Variants in CNOT6L observed in about 807,000 individuals in gnomAD.
CNOT6L encodes CCR4-NOT transcription complex subunit 6-like.
In CNOT6L, 7 loss-of-function variants were observed where a neutral mutation model predicts 64.0. That is an observed-to-expected ratio of 0.11 (90% CI 0.06 to 0.21). The LOEUF is 0.21. CNOT6L is among the 10% of genes least tolerant of loss of function. CNOT6L has a pLI of 1.00. For missense variants in CNOT6L, 245 were observed against 669.0 expected (o/e 0.37, Z 6.99); for synonymous variants, 193 against 243.4 (o/e 0.79, Z 1.93).
At chr4:77,737,403 G>GTTTTTTTTTTTTTTTTT (rs1723076948) in intron 8 of CNOT6L, among the ~76,000 whole-genome samples, 2 of 116,048 alleles carry the variant, frequency 1.7e-5, no homozygotes, top group African/African-American at 6.7e-5. Flanking sequence ...TATTTGTACC[G>GTTTTTTTTTTTTTTTTT]TTCTTTTTTT....
rs1476725506 is a variant in CNOT6L at position 77,715,986 on chromosome 4, A to C, written c.*4445T>G. 6.6e-6 allele frequency: 1 copy of C among 152,536 alleles called. No homozygotes were observed. Among genetic ancestry groups the C allele is most frequent in the Non-Finnish European group, 1.5e-5 (1 of 67,984 alleles). The allele number at this position is 152,536 out of a possible 1,614,324, so 9.4% of individuals were successfully genotyped here. A position where few individuals can be genotyped will look rare whatever the true frequency, so the allele number is the denominator to read the frequency against. On this transcript the variant is annotated 3_prime_UTR_variant, in exon 12 of 12. Coordinates refer to ENST00000504123, the MANE Select transcript of CNOT6L (RefSeq NM_144571.3). ...TATAAAAGTTCTCATCTGCCTACAA[A>C]TTTAAAACTTTAGTTCAAGCTTCTG...
intron 1 of CNOT6L, among the ~76,000 whole-genome samples, chr4:77,816,305 G>C (rs1178835449): frequency 6.6e-6 from 1 of 151,932 alleles, no homozygotes; most frequent in Non-Finnish European, 1.5e-5. Flanking sequence ...AATTCATAAA[G>C]TCCAATGAAA....
intron 1 of CNOT6L, among the ~76,000 whole-genome samples, chr4:77,783,150 CAAAAAAAAAAA>C (rs35634501): frequency 2.0e-5 from 2 of 102,184 alleles, no homozygotes; most frequent in African/African-American, 7.9e-5. Context: ...TGTGACCACT[CAAAAAAAAAAA>C]AAAAAAAAAC....
intron 1 of CNOT6L, among the ~76,000 whole-genome samples, chr4:77,812,822 A>T (rs922474751): frequency 1.3e-4 from 20 of 152,188 alleles, no homozygotes; most frequent in Admixed American, 1.2e-3. Flanking sequence ...TGACAAGCTG[A>T]TCCTAAAATT....
At chr4:77,741,982 C>T (rs978363995) in intron 8 of CNOT6L, among the ~76,000 whole-genome samples, 159 bp downstream of exon 8, 1 of 152,116 alleles carries the variant, frequency 6.6e-6, no homozygotes, top group Admixed American at 6.5e-5. Flanking sequence ...ATTTCGAATA[C>T]ACAGCCTGAG....
chr4:77,773,249 A>C, intron 3 of CNOT6L, 83 bp from the exon 4 acceptor site: 1 of 783,378 alleles, frequency 1.3e-6, no homozygotes, highest in Non-Finnish European at 2.0e-6. Context: ...GGCTCCTTCT[A>C]ACATACTATG....
At chr4:77,726,398 T>G (rs1467475387) in intron 10 of CNOT6L, 29 bp from the exon 11 acceptor site, 1 of 1,551,462 alleles carries the variant, frequency 6.4e-7, no homozygotes, top group Non-Finnish European at 8.9e-7. Context: ...GACACTTCCA[T>G]TTAGCATTTA....
In CNOT6L at chr4:77,719,642, T is replaced by A. The variant is rs1721084006; in HGVS notation, c.*789A>T. 6.6e-6 allele frequency: 1 copy of A among 152,644 alleles called. No individual in the cohort carries two copies. The highest frequency in any genetic ancestry group is 1.5e-5 in the Non-Finnish European group (1 of 68,040). 9.5% of individuals were successfully genotyped at this position (152,644 alleles called of 1,614,324 possible). A position where few individuals can be genotyped will look rare whatever the true frequency, so the allele number is the denominator to read the frequency against. ...CCGTGGGCATCCTAAACATACCACATTCTATTTTCAAGGTATGTGGCAATA... is the reference window on the plus strand; with the variant it reads ...CCGTGGGCATCCTAAACATACCACAATCTATTTTCAAGGTATGTGGCAATA... On this transcript the variant is annotated 3_prime_UTR_variant, in exon 12 of 12. Coordinates refer to ENST00000504123, the MANE Select transcript of CNOT6L (RefSeq NM_144571.3).
intron 1 of CNOT6L, 93 bp downstream of exon 1, chr4:77,819,211 C>T (rs757803721): frequency 1.7e-5 from 28 of 1,610,970 alleles, no homozygotes; most frequent in Non-Finnish European, 2.3e-5. Context: ...CACACCCACA[C>T]GCACATTTGT....
chr4:77,814,277 T>C (rs933584296), intron 1 of CNOT6L, among the ~76,000 whole-genome samples: 2 of 152,174 alleles, frequency 1.3e-5, no homozygotes, highest in African/African-American at 4.8e-5. Flanking sequence ...GTAATGAAAA[T>C]GTTCTAAAAT....
chr4:77,768,474 A>ATATAT (rs1727124850), intron 4 of CNOT6L, among the ~76,000 whole-genome samples: 35 of 13,068 alleles, frequency 2.7e-3, no homozygotes, highest in Non-Finnish European at 3.1e-3. Context: ...AAAATAAATA[A>ATATAT]ATATATATAT....
At chr4:77,798,185 G>A (rs1026130210) in intron 1 of CNOT6L, among the ~76,000 whole-genome samples, 3 of 152,096 alleles carry the variant, frequency 2.0e-5, no homozygotes, top group African/African-American at 7.2e-5. Context: ...AAATCAGCCA[G>A]GAGCCTATAG....
rs528294592 is a variant in CNOT6L, at chr4:77,732,772, A to G, written c.873-1234T>C. On this transcript the variant is annotated intron_variant, in intron 8 of 11. Transcript: ENST00000504123. ...CAGGTAGAAAATGTGAAAGGTCCTG[A>G]GACAGCAAAAAGCACTGCAAGTTTA... 1.6e-4 allele frequency among the ~76,000 whole-genome samples: 24 copies of G among 152,216 alleles called. No homozygotes were observed. In the South Asian group the frequency reaches 5.0e-3, roughly 32 times the overall value.
At chr4:77,811,879 A>G (rs1419858252) in intron 1 of CNOT6L, among the ~76,000 whole-genome samples, 3 of 151,328 alleles carry the variant, frequency 2.0e-5, no homozygotes, top group Non-Finnish European at 1.5e-5. Flanking sequence ...CAGTTTAAAA[A>G]AAAAAAAAAA....
chr4:77,780,121 T>C (rs1728695189), intron 1 of CNOT6L, among the ~76,000 whole-genome samples: 1 of 152,216 alleles, frequency 6.6e-6, no homozygotes, highest in South Asian at 2.1e-4. Flanking sequence ...AATTATGAAA[T>C]AAATTATTCA....
chr4:77,788,851 T>C (rs983730945), intron 1 of CNOT6L, among the ~76,000 whole-genome samples: 4 of 151,508 alleles, frequency 2.6e-5, no homozygotes, highest in African/African-American at 9.7e-5. Context: ...CAATAAAATA[T>C]AATGCCACTT....
intron 1 of CNOT6L, among the ~76,000 whole-genome samples, chr4:77,810,161 C>T (rs1376755542): frequency 1.3e-5 from 2 of 152,032 alleles, no homozygotes; most frequent in Non-Finnish European, 2.9e-5. Context: ...TCAAAGTTAT[C>T]TTAACTTCTG....
upstream of CNOT6L, among the ~76,000 whole-genome samples, chr4:77,820,170 G>T (rs1734119141): frequency 6.6e-6 from 1 of 152,192 alleles, no homozygotes; most frequent in Non-Finnish European, 1.5e-5. Context: ...GAGGGCCGGG[G>T]GAGAGGCGTC....
rs542513455 is a variant in CNOT6L, at chr4:77,783,893, T to A, written c.6-7501A>T. ...GCTCTATTTATTAAATATATTAAAT[T>A]TATTAAATATATTAATATTTAATAT... On this transcript the variant is annotated intron_variant, in intron 1 of 11. Transcript: ENST00000504123. 3.4e-4 allele frequency among the ~76,000 whole-genome samples: 51 copies of A among 148,832 alleles called. No individual in the cohort carries two copies. The South Asian group carries it at 0.01, about 31-fold the overall frequency.
Sources: gnomAD v4.1 joint callset for allele counts (sites outside exome capture counted in the v4.1 genomes callset) on GRCh38, gnomAD v4.1.1 for gene constraint, MANE v1.5 for transcripts, NCBI Gene and HGNC (gene_info 2026-07-23, HGNC 2026-07-21) for gene names.